PDE1C: variants seen among roughly 807,000 people sequenced by gnomAD.
The protein encoded by PDE1C is dual specificity calcium/calmodulin-dependent 3',5'-cyclic nucleotide phosphodiesterase 1C.
PDE1C carries 62 observed loss-of-function variants against 93.1 expected under a neutral mutation model. That is an observed-to-expected ratio of 0.67 (90% confidence interval 0.54 to 0.82). The LOEUF is 0.82. Ranked by LOEUF, PDE1C falls within the 40% of genes least tolerant of loss-of-function variation. The pLI, the probability that PDE1C is intolerant of heterozygous loss-of-function variation, is 0.00. For synonymous variants in PDE1C, 325 were observed against 310.1 expected, an observed-to-expected ratio of 1.05 and a Z score of -0.50; for missense variants, 742 against 884.6, an observed-to-expected ratio of 0.84 and a Z score of 2.04.
chr7:31,671,130 C>T, the PDE1C span, among the ~76,000 whole-genome samples: 1 of 152,172 alleles, frequency 6.6e-6, no homozygotes, highest in Non-Finnish European at 1.5e-5. Context: ...TGGACAAGAA[C>T]TTGAGTGCAG....
At chr7:31,902,174 G>GA (rs565938955) in intron 2 of PDE1C, among the ~76,000 whole-genome samples, 24 of 151,252 alleles carry the variant, frequency 1.6e-4, no homozygotes, top group African/African-American at 5.1e-4. Context: ...TAGGACATGA[G>GA]AAAAAATCTA....
At chr7:32,061,333 A>T (rs1351875988) in intron 1 of PDE1C, among the ~76,000 whole-genome samples, 1 of 152,242 alleles carries the variant, frequency 6.6e-6, no homozygotes, top group East Asian at 1.9e-4. Context: ...GAAGGCCTTA[A>T]AGAGCAGAGA....
intron 1 of PDE1C, among the ~76,000 whole-genome samples, chr7:32,418,885 G>A (rs1785329862): frequency 1.3e-5 from 2 of 152,186 alleles, no homozygotes; most frequent in African/African-American, 2.4e-5. Flanking sequence ...GAGCATTTAA[G>A]CTGCAAGCAA....
At chr7:32,102,253 C>G (rs375100477) in intron 3 of PDE1C, among the ~76,000 whole-genome samples, 1 of 152,138 alleles carries the variant, frequency 6.6e-6, no homozygotes, top group Non-Finnish European at 1.5e-5. Context: ...GACTGAGGCC[C>G]TCCTGGGTAC....
chr7:32,223,625 G>A (rs1305515046), intron 1 of PDE1C, among the ~76,000 whole-genome samples: 1 of 152,144 alleles, frequency 6.6e-6, no homozygotes, highest in Admixed American at 6.5e-5. Context: ...ATTTACTCAT[G>A]TGCTTACATA....
intron 2 of PDE1C, among the ~76,000 whole-genome samples, chr7:32,189,354 A>C (rs1247969506): frequency 1.3e-5 from 2 of 152,238 alleles, no homozygotes; most frequent in African/African-American, 4.8e-5. Context: ...GATACTTGAG[A>C]GGTAGAAGAC....
At position 31,877,963 on chromosome 7, in the gene PDE1C, G is replaced by T. The variant is rs375282867; in HGVS notation, c.492+7C>A. On this transcript the variant is annotated splice_region_variant and intron_variant, in intron 5 of 17. Transcript: ENST00000396191. ...TGTACATTGTAAAATCTTTTCACTC[G>T]TATTACCTTTAATGCCTCAATAACA... 1.9e-6 allele frequency: 3 copies of T among 1,595,648 alleles called. No individual in the cohort carries two copies. Among genetic ancestry groups the T allele is most frequent in the Admixed American group, 3.3e-5 (2 of 59,712 alleles).
intron 2 of PDE1C, among the ~76,000 whole-genome samples, chr7:32,030,078 AACACACACACACACACACACACACACAC>A (rs376919544): frequency 7.5e-6 from 1 of 134,004 alleles, no homozygotes; most frequent in Non-Finnish European, 1.6e-5. Flanking sequence ...TGCATATTAT[AACACACACACACACACACACACACACAC>A]ACACACACAC....
intron 2 of PDE1C, among the ~76,000 whole-genome samples, chr7:32,040,042 A>C (rs1056260838): frequency 2.0e-5 from 3 of 152,216 alleles, no homozygotes. Context: ...AGTACGTCTA[A>C]AAATTTTCCT....
At chr7:31,707,949 A>G in the PDE1C span, 2 of 152,196 alleles carry the variant, frequency 1.3e-5, no homozygotes, top group East Asian at 3.8e-4. Context: ...ATGTATCTTC[A>G]AATTTATTTT....
chr7:32,071,061 C>A (rs912958437), upstream of PDE1C: 5 of 985,356 alleles, frequency 5.1e-6, no homozygotes, highest in Middle Eastern at 5.2e-4. Context: ...GGGCTGTCAC[C>A]GCGGGCGCGG....
At chr7:31,677,319 A>G in the PDE1C span, among the ~76,000 whole-genome samples, 1 of 152,210 alleles carries the variant, frequency 6.6e-6, no homozygotes, top group African/African-American at 2.4e-5. Context: ...AAGGGAGACA[A>G]TTGACACCAA....
intron 15 of PDE1C, among the ~76,000 whole-genome samples, chr7:31,809,752 G>A (rs1666826230): frequency 6.6e-6 from 1 of 152,048 alleles, no homozygotes. Flanking sequence ...CTAAGTTAGA[G>A]ACAAAACTGG....
At chr7:32,000,876 T>A (rs1785370666) in intron 2 of PDE1C, among the ~76,000 whole-genome samples, 1 of 152,198 alleles carries the variant, frequency 6.6e-6, no homozygotes, top group Admixed American at 6.5e-5. Flanking sequence ...TACAGAATAT[T>A]TTCACAGGAC....
chr7:32,009,435 T>C (rs1786763212), intron 2 of PDE1C, among the ~76,000 whole-genome samples: 1 of 152,200 alleles, frequency 6.6e-6, no homozygotes, highest in African/African-American at 2.4e-5. Context: ...TAAGTAAGGA[T>C]GAACGCATGC....
chr7:32,030,790 A>G (rs1196563597), intron 2 of PDE1C, among the ~76,000 whole-genome samples: 1 of 152,164 alleles, frequency 6.6e-6, no homozygotes, highest in Non-Finnish European at 1.5e-5. Context: ...CTGTGAATAA[A>G]GACCTCCTTC....
intron 2 of PDE1C, among the ~76,000 whole-genome samples, chr7:32,206,107 T>TAATTCTGG (rs1440166916): frequency 5.9e-5 from 9 of 152,144 alleles, no homozygotes; most frequent in Non-Finnish European, 1.2e-4. Flanking sequence ...ACAGAATTCA[T>TAATTCTGG]AATTCTGGAC....
intron 3 of PDE1C, among the ~76,000 whole-genome samples, chr7:32,089,828 A>G (rs368849662): frequency 1.3e-5 from 2 of 152,160 alleles, no homozygotes; most frequent in Admixed American, 6.5e-5. Context: ...TACAAATCAC[A>G]TATCTGGGAA....
chr7:32,125,924 G>T (rs781029144), intron 3 of PDE1C, among the ~76,000 whole-genome samples: 33 of 151,768 alleles, frequency 2.2e-4, no homozygotes, highest in Non-Finnish European at 4.1e-4. Flanking sequence ...GAGTGCCCCT[G>T]CTGGTCACAT....
Sources: allele counts gnomAD v4.1 joint callset (sites outside exome capture counted in the v4.1 genomes callset), GRCh38; gene constraint gnomAD v4.1.1; transcripts MANE v1.5; gene names NCBI Gene and HGNC (gene_info 2026-07-23, HGNC 2026-07-21).